Variants in SEMA6A observed in about 807,000 individuals in gnomAD.
The protein encoded by SEMA6A is semaphorin-6A.
SEMA6A carries 25 observed loss-of-function variants against 96.8 expected under a neutral mutation model. The ratio of observed to expected loss-of-function variants is 0.26; its 90% CI spans 0.19 to 0.36. The LOEUF is 0.36. Ranked by LOEUF, SEMA6A falls within the 10% of genes least tolerant of loss-of-function variation. SEMA6A has a pLI of 1.00. For synonymous variants in SEMA6A, 612 were observed against 518.0 expected (o/e 1.18, Z -2.46); for missense variants, 1,363 against 1,323.1 (o/e 1.03, Z -0.47).
At chr5:116,487,077 T>C (rs1439622243) in intron 9 of SEMA6A, 111 bp from the exon 10 acceptor site, 2 of 688,098 alleles carry the variant, frequency 2.9e-6, no homozygotes, top group Non-Finnish European at 2.5e-6. Context: ...TGCTTAATAC[T>C]GTTTCTAAAA....
At chr5:116,456,422 T>C (rs1014045742) in intron 18 of SEMA6A, among the ~76,000 whole-genome samples, 1 of 152,224 alleles carries the variant, frequency 6.6e-6, no homozygotes, top group Non-Finnish European at 1.5e-5. Flanking sequence ...GTGGGTATCA[T>C]GCTCTGACAA....
chr5:116,447,513 C>A lies in SEMA6A; in HGVS notation c.2193G>T (p.Lys731Asn), dbSNP rs1461915225. The A allele has an allele frequency of 8.1e-6, 13 of 1,614,076 alleles. No individual in the cohort carries two copies. The highest frequency in any genetic ancestry group is 1.1e-5 in the Non-Finnish European group (13 of 1,179,912). ...TGGCCGTGTTGCCGGGAGTGGCGAG[C>A]TTGCCGTTGTGCATGAGTGGCGTGA... ...AILTPLMHNGKLATPGNTAKM... is the reference protein window; with the variant it reads ...AILTPLMHNGNLATPGNTAKM... Residue 731 changes from lysine (K) to asparagine (N), a missense_variant, in exon 19 of 19, where the codon AAG (lysine) becomes AAT (asparagine). Around this residue, in one of 2 missense-constraint regions of SEMA6A, gnomAD observed 883 missense variants for 763.6 expected, o/e 1.16. Coordinates refer to ENST00000343348, the MANE Select transcript of SEMA6A (RefSeq NM_020796.5).
At chr5:116,494,996 GTC>G (rs1757516660) in intron 6 of SEMA6A, among the ~76,000 whole-genome samples, 1 of 152,218 alleles carries the variant, frequency 6.6e-6, no homozygotes, top group East Asian at 1.9e-4. Context: ...TTGTAGGAAA[GTC>G]TACGGTTTCA....
chr5:116,502,423 C>CGGACACAAAAGACAG, intron 2 of SEMA6A, 96 bp from the exon 3 acceptor site: 1 of 947,680 alleles, frequency 1.1e-6, no homozygotes, highest in Non-Finnish European at 1.7e-6. Context: ...AAAAGAAACC[C>CGGACACAAAAGACAG]GTGTTTAAGT....
chr5:116,447,235 C>A lies in SEMA6A; in HGVS notation c.2471G>T (p.Gly824Val), dbSNP rs761682329. 1.2e-6 allele frequency: 2 copies of A among 1,614,036 alleles called. No homozygotes were observed. The highest frequency in any genetic ancestry group is 1.7e-6 in the Non-Finnish European group (2 of 1,179,902). Residue 824 changes from glycine (G) to valine (V), a missense_variant, in exon 19 of 19, where the codon GGC becomes GTC. Physicochemically the swap from Gly to Val is moderately radical, Grantham distance 109 (BLOSUM62 -3). Transcript: ENST00000343348. Reference sequence around the variant, plus strand: ...CTGGTCCACGTACTCATGCTGGTAGCCCTGCTGCGTGATGGGCAGGACCAC... The same window carrying A: ...CTGGTCCACGTACTCATGCTGGTAGACCTGCTGCGTGATGGGCAGGACCAC... ...SVVVLPITQQ[G>V]YQHEYVDQPK...
Position 116,482,369 on chromosome 5 carries a change from A to C in SEMA6A, c.1094+75T>G, listed in dbSNP as rs567392490. ...TGGAAGGCACTGGTGCGCAGTTCAT[A>C]GGATGTTCATTATCAGAGGTGCAAG... On this transcript the variant is annotated intron_variant, in intron 11 of 18. Transcript: ENST00000343348. 875 of 1,499,164 alleles carry C rather than the reference A, an allele frequency of 5.8e-4. 2 individuals are homozygous for C. Among genetic ancestry groups the C allele is most frequent in the Non-Finnish European group, 7.3e-4 (807 of 1,101,816 alleles). The allele number at this position is 1,499,164 out of a possible 1,614,324, so 92.9% of individuals were successfully genotyped here.
chr5:116,472,917 G>T, intron 17 of SEMA6A, 156 bp downstream of exon 17: 2 of 1,522,424 alleles, frequency 1.3e-6, no homozygotes, highest in South Asian at 1.2e-5. Context: ...TTCATTATCT[G>T]GTAGAGGAGT....
intron 16 of SEMA6A, among the ~76,000 whole-genome samples, chr5:116,475,056 T>G (rs186295352): frequency 1.3e-5 from 2 of 152,200 alleles, no homozygotes; most frequent in Non-Finnish European, 1.5e-5. Flanking sequence ...TTCTGAAATT[T>G]TTTTTCCTAT....
At position 116,447,431 on chromosome 5, in the gene SEMA6A, C is replaced by G; in HGVS notation, c.2275G>C (p.Glu759Gln). Reference sequence around the variant, plus strand: ...TTCTGCTGCAGCGTTGGGGTTGACTCTGGGGTGGGGAGGGCCGTCAGGTCC... The same window carrying G: ...TTCTGCTGCAGCGTTGGGGTTGACTGTGGGGTGGGGAGGGCCGTCAGGTCC... ...HLDLTALPTPESTPTLQQKRK... is the reference protein window; with the variant it reads ...HLDLTALPTPQSTPTLQQKRK... The change falls in exon 19 of 19, where the codon GAG becomes CAG. Residue 759 changes from glutamate (E) to glutamine (Q), a missense_variant. Transcript: ENST00000343348. The G allele has an allele frequency of 6.2e-7, 1 of 1,614,046 alleles. No individual in the cohort carries two copies. The highest frequency in any genetic ancestry group is 8.5e-7 in the Non-Finnish European group (1 of 1,179,898).
In SEMA6A at chr5:116,533,113, T is replaced by C. The variant is rs79959304; in HGVS notation, c.-38-28131A>G. 5.4e-3 allele frequency among the ~76,000 whole-genome samples: 825 copies of C among 152,362 alleles called. 4 individuals are homozygous for C. Among genetic ancestry groups the C allele is most frequent in the African/African-American group, 0.019 (771 of 41,594 alleles). The stretch of plus-strand genomic sequence containing the variant: ...AAGTTTTGGCCTTTTGATCTTTTAC[T>C]GTTAATTCAAACTATGCAAAGCTTT... On this transcript the variant is annotated intron_variant, in intron 1 of 18. Transcript: ENST00000343348.
chr5:116,558,678 G>A lies in SEMA6A; in HGVS notation c.-39+15507C>T, dbSNP rs1406252789. ...GGGGTTTCACCTTGTTAGCCAGGAT[G>A]GTCTCGATCTCCTGACCTCATGATC... On this transcript the variant is annotated intron_variant, in intron 1 of 18. Coordinates refer to ENST00000343348, the MANE Select transcript of SEMA6A (RefSeq NM_020796.5). 1.7e-4 allele frequency among the ~76,000 whole-genome samples: 2 copies of A among 12,086 alleles called. 1 individual carries two copies. The highest frequency in any genetic ancestry group is 0.013 in the East Asian group (2 of 152). The allele number at this position is 12,086 out of a possible 152,430, so 7.9% of individuals were successfully genotyped here.
chr5:116,505,827 T>C (rs1288104192), intron 1 of SEMA6A, among the ~76,000 whole-genome samples: 1 of 151,914 alleles, frequency 6.6e-6, no homozygotes, highest in East Asian at 1.9e-4. Context: ...AGAAAAATTC[T>C]CCTAAATCTT....
At chr5:116,557,324 G>C (rs1354780180) in intron 1 of SEMA6A, among the ~76,000 whole-genome samples, 1 of 152,172 alleles carries the variant, frequency 6.6e-6, no homozygotes. Flanking sequence ...CGATTCTCGT[G>C]CCTCAGTCTC....
chr5:116,520,628 A>G (rs577741118), intron 1 of SEMA6A, among the ~76,000 whole-genome samples: 3 of 152,140 alleles, frequency 2.0e-5, no homozygotes, highest in Non-Finnish European at 4.4e-5. Context: ...GGTAGAAACT[A>G]TAAAGATGAT....
At chr5:116,513,837 G>A (rs1030454943) in intron 1 of SEMA6A, among the ~76,000 whole-genome samples, 1 of 151,980 alleles carries the variant, frequency 6.6e-6, no homozygotes, top group Non-Finnish European at 1.5e-5. Flanking sequence ...GTGTCCATTT[G>A]TTCTCATCAT....
chr5:116,503,620 C>T (rs994878206), intron 2 of SEMA6A, among the ~76,000 whole-genome samples: 7 of 151,726 alleles, frequency 4.6e-5, no homozygotes, highest in African/African-American at 9.7e-5. Flanking sequence ...CAAGGTATTC[C>T]GCTGCCTCAG....
intron 15 of SEMA6A, 48 bp from the exon 16 acceptor site, chr5:116,475,651 T>C (rs762435075): frequency 7.2e-7 from 1 of 1,388,652 alleles, no homozygotes. Context: ...TACAATAACG[T>C]GAGTCTTCAG....
intron 1 of SEMA6A, among the ~76,000 whole-genome samples, chr5:116,529,523 C>T (rs957034454): frequency 1.3e-5 from 2 of 151,930 alleles, no homozygotes; most frequent in African/African-American, 2.4e-5. Flanking sequence ...TAAATATGTA[C>T]AATTTTTATG....
chr5:116,513,460 T>C lies in SEMA6A; in HGVS notation c.-38-8478A>G, dbSNP rs183650483. Among the ~76,000 whole-genome samples the C allele has an allele frequency of 1.1e-3, 168 of 152,230 alleles. 1 individual carries two copies. Among genetic ancestry groups the C allele is most frequent in the Non-Finnish European group, 1.7e-3 (118 of 68,016 alleles). On this transcript the variant is annotated intron_variant, in intron 1 of 18. Transcript: ENST00000343348. Reference sequence around the variant, plus strand: ...AATTTTTACCTCTTAATCTAAACCTTTAGTTTTAGAATTCCAGACCTGATT... The same window carrying C: ...AATTTTTACCTCTTAATCTAAACCTCTAGTTTTAGAATTCCAGACCTGATT...
Sources: gnomAD v4.1 joint callset for allele counts (sites outside exome capture counted in the v4.1 genomes callset) on GRCh38, gnomAD v4.1.1 for gene constraint, gnomAD v4.1.1 regional missense constraint, MANE v1.5 for transcripts, NCBI Gene and HGNC (gene_info 2026-07-23, HGNC 2026-07-21) for gene names.